Variants in CYP2C18 observed in about 807,000 individuals in gnomAD.
CYP2C18 encodes cytochrome P450 family 2 subfamily C member 18, also known as cytochrome P450 2C18.
A neutral mutation model predicts 41.3 loss-of-function variants in CYP2C18; 38 were observed. The observed-to-expected ratio is 0.92, with a 90% CI of 0.71 to 1.21. CYP2C18 has a LOEUF of 1.21. Ranked by LOEUF, CYP2C18 falls within the 50% of genes most tolerant of loss-of-function variation. The pLI, the probability that CYP2C18 is intolerant of heterozygous loss-of-function variation, is 0.00. For missense variants in CYP2C18, 635 were observed against 591.4 expected (o/e 1.07, Z -0.77); for synonymous variants, 236 against 210.0 (o/e 1.12, Z -1.07).
At chr10:94,700,308 C>A (rs1847211804) in intron 4 of CYP2C18, among the ~76,000 whole-genome samples, 1 of 152,124 alleles carries the variant, frequency 6.6e-6, no homozygotes, top group South Asian at 2.1e-4. Context: ...GAACAGAGCC[C>A]TCAGAAATAA....
intron 5 of CYP2C18, among the ~76,000 whole-genome samples, 169 bp downstream of exon 5, chr10:94,707,129 T>TA (rs72520078): frequency 1.0e-3 from 152 of 151,760 alleles, no homozygotes; most frequent in Middle Eastern, 6.8e-3. Flanking sequence ...TAAACAATTA[T>TA]ATGTGAGCAC....
chr10:94,732,792 G>C (rs1421781908), intron 7 of CYP2C18, among the ~76,000 whole-genome samples: 2 of 151,930 alleles, frequency 1.3e-5, no homozygotes, highest in Non-Finnish European at 1.5e-5. Context: ...ATAGGCACTG[G>C]GGACTACTAG....
At chr10:94,702,413 C>G (rs1589797508) in intron 4 of CYP2C18, among the ~76,000 whole-genome samples, 1 of 152,060 alleles carries the variant, frequency 6.6e-6, no homozygotes, top group African/African-American at 2.4e-5. Flanking sequence ...CCCATATTTC[C>G]TGGAGGCTTT....
chr10:94,695,664 T>C (rs1847102658), intron 4 of CYP2C18, among the ~76,000 whole-genome samples: 1 of 151,788 alleles, frequency 6.6e-6, no homozygotes, highest in Non-Finnish European at 1.5e-5. Context: ...ACAATGAGCA[T>C]GAGCCAAAGC....
chr10:94,705,956 C>T (rs909759361), intron 4 of CYP2C18, among the ~76,000 whole-genome samples: 1 of 152,098 alleles, frequency 6.6e-6, no homozygotes, highest in African/African-American at 2.4e-5. Flanking sequence ...ATCCAAGTCC[C>T]TTGTTGAAAA....
At chr10:94,733,642 G>A in intron 8 of CYP2C18, 1 of 976,764 alleles carries the variant, frequency 1.0e-6, no homozygotes, top group South Asian at 4.8e-5. Flanking sequence ...AGTTGATCCA[G>A]TTTTTCAAAC....
At chr10:94,711,462 G>T (rs1430818545) in intron 5 of CYP2C18, among the ~76,000 whole-genome samples, 1 of 152,032 alleles carries the variant, frequency 6.6e-6, no homozygotes, top group African/African-American at 2.4e-5. Flanking sequence ...AGGCTGGAAT[G>T]CATTGGCATG....
chr10:94,735,480 A>C lies in CYP2C18; in HGVS notation c.*36A>C, dbSNP rs1847905880. 1 of 1,604,676 alleles carries C rather than the reference A, an allele frequency of 6.2e-7. No homozygotes were observed. Among genetic ancestry groups the C allele is most frequent in the Admixed American group, 1.7e-5 (1 of 59,794 alleles). On this transcript the variant is annotated 3_prime_UTR_variant, in exon 9 of 9. Coordinates refer to ENST00000285979, the MANE Select transcript of CYP2C18 (RefSeq NM_000772.3). Reference sequence around the variant, plus strand: ...ATAGTTTGGCTGCTCCTGTGCTGTCACCTGCAATTCTCCCTTATCAGGGCC... The same window carrying C: ...ATAGTTTGGCTGCTCCTGTGCTGTCCCCTGCAATTCTCCCTTATCAGGGCC...
intron 1 of CYP2C18, among the ~76,000 whole-genome samples, chr10:94,685,963 T>A (rs1424760063): frequency 6.6e-6 from 1 of 152,158 alleles, no homozygotes; most frequent in African/African-American, 2.4e-5. Flanking sequence ...TTGCACTGAA[T>A]CTGTATATTG....
chr10:94,707,600 G>T (rs183596291), intron 5 of CYP2C18, among the ~76,000 whole-genome samples: 4 of 152,148 alleles, frequency 2.6e-5, no homozygotes, highest in Admixed American at 2.6e-4. Context: ...AATTATTAGA[G>T]AAAATAATCC....
chr10:94,708,751 G>C (rs1847384906), intron 5 of CYP2C18, among the ~76,000 whole-genome samples: 1 of 152,088 alleles, frequency 6.6e-6, no homozygotes, highest in South Asian at 2.1e-4. Context: ...TATTGGGGTG[G>C]CTCTAGTCAA....
intron 7 of CYP2C18, among the ~76,000 whole-genome samples, chr10:94,726,198 T>A (rs1229336937): frequency 7.3e-6 from 1 of 137,884 alleles, no homozygotes; most frequent in Non-Finnish European, 1.5e-5. Context: ...AAATTTTTTT[T>A]CAATTTTTTT....
At position 94,735,667 on chromosome 10, in the gene CYP2C18, T is replaced by C; in HGVS notation, c.*223T>C. 5.3e-6 allele frequency: 3 copies of C among 567,634 alleles called. No homozygotes were observed. The highest frequency in any genetic ancestry group is 9.4e-6 in the Non-Finnish European group (3 of 317,934). 35.2% of individuals were successfully genotyped at this position (567,634 alleles called of 1,614,324 possible). A position where few individuals can be genotyped will look rare whatever the true frequency, so the allele number is the denominator to read the frequency against. Reference sequence around the variant, plus strand: ...TATTCTCCATACTCTGTATCACTTGTATTGACCACCACATATGCTAATACC... The same window carrying C: ...TATTCTCCATACTCTGTATCACTTGCATTGACCACCACATATGCTAATACC... On this transcript the variant is annotated 3_prime_UTR_variant, in exon 9 of 9. Transcript: ENST00000285979.
chr10:94,704,709 C>T (rs1418484568), intron 4 of CYP2C18, among the ~76,000 whole-genome samples: 24 of 152,124 alleles, frequency 1.6e-4, no homozygotes, highest in Admixed American at 1.6e-3. Context: ...ACTAGCCTGT[C>T]CCGCTCTGGG....
Position 94,687,912 on chromosome 10 carries a change from A to T in CYP2C18, c.311A>T (p.Glu104Val). The change falls in exon 2 of 9, where the codon GAA becomes GTA. Residue 104 changes from glutamate (E) to valine (V), a missense_variant. Coordinates refer to ENST00000285979, the MANE Select transcript of CYP2C18 (RefSeq NM_000772.3). ...GGAAGAGGAAGTTTTCCAGTGGCTG[A>T]AAAAGTTAACAAAGGACTTGGTAAA... ...FSGRGSFPVA[E>V]KVNKGLGILF... The T allele has an allele frequency of 6.2e-7, 1 of 1,613,754 alleles. No individual in the cohort carries two copies.
chr10:94,714,937 G>T (rs1045075581), intron 5 of CYP2C18, among the ~76,000 whole-genome samples: 2 of 152,096 alleles, frequency 1.3e-5, no homozygotes, highest in African/African-American at 4.8e-5. Flanking sequence ...TCTCTTTGAA[G>T]CAATTGTGAA....
chr10:94,728,677 T>C, intron 7 of CYP2C18: 1 of 790,946 alleles, frequency 1.3e-6, no homozygotes, highest in Non-Finnish European at 1.5e-6. Context: ...TCAGAAGTCA[T>C]TTTTAATTAG....
chr10:94,700,474 C>T (rs1190518318), intron 4 of CYP2C18, among the ~76,000 whole-genome samples: 1 of 151,766 alleles, frequency 6.6e-6, no homozygotes, highest in Non-Finnish European at 1.5e-5. Flanking sequence ...TAGAACAATT[C>T]AAGATGGATT....
At chr10:94,715,973 AG>A (rs1186798974) in intron 5 of CYP2C18, among the ~76,000 whole-genome samples, 2 of 152,134 alleles carry the variant, frequency 1.3e-5, no homozygotes, top group African/African-American at 4.8e-5. Context: ...ATTTGCGTAG[AG>A]GTGTTTATAG....
Sources: allele counts gnomAD v4.1 joint callset (sites outside exome capture counted in the v4.1 genomes callset), GRCh38; gene constraint gnomAD v4.1.1; transcripts MANE v1.5; gene names NCBI Gene and HGNC (gene_info 2026-07-23, HGNC 2026-07-21).